The following GSG1L variants were observed in gnomAD, a reference collection of about 807,000 sequenced individuals.
GSG1L encodes the protein germ cell-specific gene 1-like protein.
Under a neutral mutation model 42.1 loss-of-function variants are expected in GSG1L, and 24 were observed. The observed-to-expected ratio is 0.57, with a 90% CI of 0.41 to 0.80. GSG1L has a LOEUF of 0.80. Among genes scored for constraint, GSG1L ranks in the 30% least tolerant of loss-of-function variants. The pLI, the probability that GSG1L is intolerant of heterozygous loss-of-function variation, is 0.00. For synonymous variants in GSG1L, 215 were observed against 203.5 expected (o/e 1.06, Z -0.48); for missense variants, 445 against 472.2 (o/e 0.94, Z 0.53).
At chr16:27,871,632 T>C (rs1266340013) in intron 3 of GSG1L, among the ~76,000 whole-genome samples, 2 of 151,860 alleles carry the variant, frequency 1.3e-5, no homozygotes, top group South Asian at 2.1e-4. Flanking sequence ...CAGAGGGAGA[T>C]CCTGTCTCAA....
intron 3 of GSG1L, among the ~76,000 whole-genome samples, chr16:27,881,395 C>T (rs1055069329): frequency 6.6e-6 from 1 of 151,972 alleles, no homozygotes; most frequent in Non-Finnish European, 1.5e-5. Context: ...GTGTGCACCA[C>T]CATGCCCAGC....
intron 2 of GSG1L, among the ~76,000 whole-genome samples, chr16:27,905,764 C>T (rs1034835587): frequency 2.0e-5 from 3 of 152,132 alleles, no homozygotes; most frequent in Admixed American, 2.0e-4. Context: ...GCGGGGGATG[C>T]ATGATGCATG....
intron 1 of GSG1L, among the ~76,000 whole-genome samples, chr16:27,976,228 T>C (rs1261903164): frequency 6.6e-6 from 1 of 152,136 alleles, no homozygotes; most frequent in East Asian, 1.9e-4. Context: ...TGAGCCAAGA[T>C]TGAGCCATTG....
chr16:28,020,172 C>G (rs948212000), intron 1 of GSG1L, among the ~76,000 whole-genome samples: 2 of 152,214 alleles, frequency 1.3e-5, no homozygotes, highest in Non-Finnish European at 2.9e-5. Context: ...ATCGGCCCTA[C>G]TGTCTTGCTG....
chr16:27,946,627 G>GAA (rs2084870941), intron 2 of GSG1L, among the ~76,000 whole-genome samples: 2 of 21,036 alleles, frequency 9.5e-5, no homozygotes, highest in African/African-American at 2.7e-4. Flanking sequence ...GAGAGAGAGA[G>GAA]AGAGAAAGAA....
chr16:27,912,832 A>T (rs1410915271), intron 2 of GSG1L, among the ~76,000 whole-genome samples: 1 of 152,242 alleles, frequency 6.6e-6, no homozygotes, highest in African/African-American at 2.4e-5. Flanking sequence ...ATGGGAAAAA[A>T]AACTGGAAAC....
chr16:27,995,141 A>G (rs1408994706), intron 1 of GSG1L, among the ~76,000 whole-genome samples: 1 of 152,224 alleles, frequency 6.6e-6, no homozygotes, highest in Non-Finnish European at 1.5e-5. Context: ...GAATGGGAGA[A>G]ACAGTCCCAG....
Position 28,063,176 on chromosome 16 carries a change from GC to G in GSG1L, c.248del (p.Gly83AlafsTer110). On this transcript the variant is annotated frameshift_variant, in exon 1 of 7. Transcript: ENST00000447459. LOFTEE classifies it high-confidence loss of function. The surrounding 1 kb of genome is among the most constrained non-coding windows in gnomAD (Gnocchi z 5.8). The part of the protein sequence containing the change: ...AATASGNGPP[G>X]GALYSWETGD... Reference sequence around the variant, plus strand: ...CGGTCTCCCAGCTGTAGAGCGCGCCGCCAGGGGGGCCGTTCCCCGAGGCGGT... The same window carrying G: ...CGGTCTCCCAGCTGTAGAGCGCGCCGCAGGGGGGCCGTTCCCCGAGGCGGT... 7.5e-7 allele frequency: 1 copy of G among 1,336,260 alleles called. No homozygotes were observed. Among genetic ancestry groups the G allele is most frequent in the South Asian group, 1.9e-5 (1 of 51,738 alleles). The allele number at this position is 1,336,260 out of a possible 1,614,324, so 82.8% of individuals were successfully genotyped here. A position where few individuals can be genotyped will look rare whatever the true frequency, so the allele number is the denominator to read the frequency against.
intron 2 of GSG1L, among the ~76,000 whole-genome samples, chr16:27,920,640 C>T (rs909091955): frequency 4.6e-5 from 7 of 152,328 alleles, no homozygotes; most frequent in African/African-American, 7.2e-5. Flanking sequence ...GCAGCCATCC[C>T]GGGAAGTCAC....
chr16:28,008,810 T>G (rs960377152), intron 1 of GSG1L, among the ~76,000 whole-genome samples: 1 of 152,046 alleles, frequency 6.6e-6, no homozygotes, highest in African/African-American at 2.4e-5. Flanking sequence ...GTCAGAACTT[T>G]TTTGTTTGTT....
chr16:27,819,441 C>T (rs761247711), intron 5 of GSG1L, among the ~76,000 whole-genome samples: 1 of 152,116 alleles, frequency 6.6e-6, no homozygotes, highest in Non-Finnish European at 1.5e-5. Context: ...AAGGCCGTAC[C>T]GACAGCACGA....
intron 2 of GSG1L, among the ~76,000 whole-genome samples, chr16:27,942,410 A>G (rs2084810984): frequency 1.1e-5 from 1 of 91,240 alleles, no homozygotes. Context: ...TTGGCCTCCC[A>G]AAGTGCTAGG....
At chr16:27,935,311 C>T (rs1223873783) in intron 2 of GSG1L, among the ~76,000 whole-genome samples, 1 of 145,072 alleles carries the variant, frequency 6.9e-6, no homozygotes, top group African/African-American at 2.4e-5. Flanking sequence ...GAGCTAGTCC[C>T]ATCCTGATGG....
chr16:27,850,559 C>A (rs1219772742), intron 3 of GSG1L: 2 of 455,718 alleles, frequency 4.4e-6, no homozygotes, highest in Non-Finnish European at 8.8e-6. Flanking sequence ...GCAGGAGGGA[C>A]CAGCAAAGAA....
intron 1 of GSG1L, among the ~76,000 whole-genome samples, chr16:28,050,421 C>T (rs1447717574): frequency 2.0e-5 from 3 of 152,176 alleles, no homozygotes; most frequent in Non-Finnish European, 4.4e-5. Flanking sequence ...CTGTCTCAGC[C>T]TCCAGAAGGG....
In GSG1L at chr16:28,063,574, G is replaced by T. The variant is rs1198790627; in HGVS notation, c.-150C>A. 6.2e-5 allele frequency: 15 copies of T among 242,706 alleles called. No homozygotes were observed. The highest frequency in any genetic ancestry group is 9.3e-5 in the Non-Finnish European group (14 of 150,860). The allele number at this position is 242,706 out of a possible 1,614,324, so 15.0% of individuals were successfully genotyped here. On this transcript the variant is annotated 5_prime_UTR_variant, in exon 1 of 7. Coordinates refer to ENST00000447459, the MANE Select transcript of GSG1L (RefSeq NM_001109763.2). The surrounding 1 kb of genome is among the most constrained non-coding windows in gnomAD (Gnocchi z 5.8). ...GGCGGCGGACGCGGCGCGGGCCCATGCCCCCCCCAACCCCGGGGTGGGGGC... is the reference window on the plus strand; with the variant it reads ...GGCGGCGGACGCGGCGCGGGCCCATTCCCCCCCCAACCCCGGGGTGGGGGC...
At position 27,849,666 on chromosome 16, in the gene GSG1L, G is replaced by A. The variant is rs572583745; in HGVS notation, c.551-4605C>T. On this transcript the variant is annotated intron_variant, in intron 3 of 6. Transcript: ENST00000447459. ...GCCTCCTGAGTAACTGGGACTAAAG[G>A]TGCATGCCACCACACTTGGCTATTG... is the stretch of plus-strand genomic sequence containing the variant. Among the ~76,000 whole-genome samples the A allele has an allele frequency of 7.4e-4, 112 of 152,224 alleles. No individual in the cohort carries two copies. The Middle Eastern group carries it at 0.017, about 23-fold the overall frequency.
At chr16:27,923,198 T>G (rs1363260527) in intron 2 of GSG1L, among the ~76,000 whole-genome samples, 1 of 152,106 alleles carries the variant, frequency 6.6e-6, no homozygotes, top group Non-Finnish European at 1.5e-5. Flanking sequence ...CCACCAAGCT[T>G]GGCTCTGCTG....
At chr16:27,943,130 C>G (rs1011316154) in intron 2 of GSG1L, among the ~76,000 whole-genome samples, 2 of 152,062 alleles carry the variant, frequency 1.3e-5, no homozygotes, top group African/African-American at 4.8e-5. Context: ...TCATAGCTCA[C>G]TACAGCCTCG....
Sources: allele counts gnomAD v4.1 joint callset (sites outside exome capture counted in the v4.1 genomes callset), GRCh38; gene constraint gnomAD v4.1.1; non-coding constraint Gnocchi (gnomAD v3.1); transcripts MANE v1.5; gene names NCBI Gene and HGNC (gene_info 2026-07-23, HGNC 2026-07-21).